The following CDC73 variants were observed in gnomAD, a reference collection of about 807,000 sequenced individuals.
The protein encoded by CDC73 is cell division cycle 73.
A neutral mutation model predicts 83.7 loss-of-function variants in CDC73; 21 were observed. That is an observed-to-expected ratio of 0.25 (90% CI 0.18 to 0.36). The LOEUF (loss-of-function observed/expected upper bound fraction) is 0.36. Ranked by LOEUF, CDC73 falls within the 10% of genes least tolerant of loss-of-function variation. The pLI is 1.00. For synonymous variants in CDC73, 224 were observed against 212.9 expected (o/e 1.05, Z -0.45); for missense variants, 342 against 653.3 (o/e 0.52, Z 5.19).
At chr1:193,242,708 TTAA>T (rs1194322761) in intron 15 of CDC73, among the ~76,000 whole-genome samples, 1 of 152,150 alleles carries the variant, frequency 6.6e-6, no homozygotes, top group Non-Finnish European at 1.5e-5. Flanking sequence ...ATATTTTTAT[TTAA>T]TAATCTTCTG....
At chr1:193,175,704 G>T (rs973263449) in intron 10 of CDC73, among the ~76,000 whole-genome samples, 1 of 152,144 alleles carries the variant, frequency 6.6e-6, no homozygotes, top group African/African-American at 2.4e-5. Context: ...CTTAAAGTAT[G>T]CAGGAGGATG....
intron 3 of CDC73, among the ~76,000 whole-genome samples, chr1:193,132,708 G>T (rs1675716710): frequency 6.6e-6 from 1 of 151,154 alleles, no homozygotes; most frequent in Non-Finnish European, 1.5e-5. Flanking sequence ...GAAAATAGTG[G>T]TTTTTTTTGT....
chr1:193,214,296 C>T (rs537919817), intron 13 of CDC73, among the ~76,000 whole-genome samples: 11 of 152,246 alleles, frequency 7.2e-5, no homozygotes, highest in Admixed American at 2.0e-4. Flanking sequence ...ATAAAGTTCC[C>T]GTTCCAATAA....
rs1363173687 is a variant in CDC73 at position 193,181,644 on chromosome 1, A to AT, written c.973-22147dup. The AT allele has an allele frequency of 1.3e-5, 17 of 1,269,616 alleles. No homozygotes were observed. In the East Asian group the frequency reaches 3.5e-4, roughly 26 times the overall value. 78.6% of individuals were successfully genotyped at this position (1,269,616 alleles called of 1,614,324 possible). Reference sequence around the variant, plus strand: ...TCCTTAATACTATTCTTTGGCAATCATTTTCTAATTCAGTCACATTGTCTC... The same window carrying AT: ...TCCTTAATACTATTCTTTGGCAATCATTTTTCTAATTCAGTCACATTGTCTC... On this transcript the variant is annotated intron_variant, in intron 10 of 16. Transcript: ENST00000367435.
At chr1:193,164,259 C>G (rs1279394870) in intron 10 of CDC73, among the ~76,000 whole-genome samples, 1 of 152,166 alleles carries the variant, frequency 6.6e-6, no homozygotes, top group Non-Finnish European at 1.5e-5. Context: ...GAAATAACTG[C>G]TGGTGATGAA....
intron 8 of CDC73, among the ~76,000 whole-genome samples, chr1:193,148,463 A>G (rs1483534672): frequency 6.6e-6 from 1 of 152,062 alleles, no homozygotes; most frequent in Non-Finnish European, 1.5e-5. Flanking sequence ...AGACCCTCCC[A>G]AAGTAAATTT....
intron 10 of CDC73, among the ~76,000 whole-genome samples, chr1:193,159,875 A>C (rs10801184): frequency 0.62 from 94,824 of 151,944 alleles, 30,038 homozygotes; most frequent in South Asian, 0.77. Flanking sequence ...GAGGTGTTAG[A>C]ATCTGATTTA....
At chr1:193,215,522 T>C (rs1457408334) in intron 13 of CDC73, among the ~76,000 whole-genome samples, 1 of 151,996 alleles carries the variant, frequency 6.6e-6, no homozygotes, top group Non-Finnish European at 1.5e-5. Flanking sequence ...ATTAAGTTTT[T>C]ATACAGTTAC....
At chr1:193,218,541 C>A (rs935776929) in intron 13 of CDC73, among the ~76,000 whole-genome samples, 2 of 152,280 alleles carry the variant, frequency 1.3e-5, no homozygotes, top group East Asian at 1.9e-4. Context: ...GTAACCAAAA[C>A]TGTAGTACTG....
intron 6 of CDC73, 86 bp from the exon 7 acceptor site, chr1:193,141,764 C>T (rs1370801377): frequency 1.1e-6 from 1 of 902,314 alleles, no homozygotes; most frequent in Non-Finnish European, 1.8e-6. Context: ...GTGTTTTTAC[C>T]AGAAATTTAT....
chr1:193,211,577 A>G (rs1328046652), intron 11 of CDC73, among the ~76,000 whole-genome samples: 1 of 152,224 alleles, frequency 6.6e-6, no homozygotes, highest in Admixed American at 6.5e-5. Context: ...ATTCGCAAGT[A>G]AAACAAGGGC....
At chr1:193,135,477 T>C (rs1675775792) in intron 4 of CDC73, 24 bp downstream of exon 4, 1 of 1,610,910 alleles carries the variant, frequency 6.2e-7, no homozygotes, top group Non-Finnish European at 8.5e-7. Context: ...CATATTTATA[T>C]TGAACTTTCA....
At chr1:193,177,425 G>T (rs2103154978) in intron 10 of CDC73, among the ~76,000 whole-genome samples, 1 of 149,648 alleles carries the variant, frequency 6.7e-6, no homozygotes, top group African/African-American at 2.5e-5. Context: ...AGCTATTCGG[G>T]AGGCTGAGGC....
Position 193,236,289 on chromosome 1 carries a change from T to C in CDC73, c.1350T>C (p.Pro450=), listed in dbSNP as rs2102061831. 1 of 1,614,082 alleles carries C rather than the reference T, an allele frequency of 6.2e-7. No individual in the cohort carries two copies. ...TTGTAGCCGTTTTTGTGCAGGGTCC[T>C]GCATGGCAGTTCAAAGGTTGGCCAT... ...DRVVAVFVQG[P]AWQFKGWPWL... is the part of the protein sequence containing the mutation. Residue 450 remains proline, a synonymous_variant, in exon 15 of 17, where the codon CCT becomes CCC. Transcript: ENST00000367435.
chr1:193,141,700 G>A, intron 6 of CDC73, 150 bp from the exon 7 acceptor site: 1 of 615,248 alleles, frequency 1.6e-6, no homozygotes, highest in Non-Finnish European at 2.9e-6. Flanking sequence ...TTATATAATT[G>A]CAGAATAGCA....
intron 13 of CDC73, among the ~76,000 whole-genome samples, chr1:193,229,335 G>A (rs773819103): frequency 6.6e-6 from 1 of 152,196 alleles, no homozygotes; most frequent in Non-Finnish European, 1.5e-5. Flanking sequence ...GAACATTTGT[G>A]TCCCACAAAA....
At chr1:193,165,659 C>G (rs1302490163) in intron 10 of CDC73, among the ~76,000 whole-genome samples, 1 of 152,194 alleles carries the variant, frequency 6.6e-6, no homozygotes, top group East Asian at 1.9e-4. Flanking sequence ...AGTGAAATTA[C>G]CAGAACCATT....
intron 2 of CDC73, 82 bp downstream of exon 2, chr1:193,125,299 C>A: frequency 1.1e-6 from 1 of 899,508 alleles, no homozygotes. Flanking sequence ...GGCCTTGTTG[C>A]CCGGGCTAGG....
chr1:193,238,680 A>G (rs1199783364), intron 15 of CDC73, among the ~76,000 whole-genome samples: 1 of 152,252 alleles, frequency 6.6e-6, no homozygotes. Flanking sequence ...AACTGATAAC[A>G]TAAACAGTCG....
Sources: gnomAD v4.1 joint callset for allele counts (sites outside exome capture counted in the v4.1 genomes callset) on GRCh38, gnomAD v4.1.1 for gene constraint, MANE v1.5 for transcripts, NCBI Gene and HGNC (gene_info 2026-07-23, HGNC 2026-07-21) for gene names.